The following FNIP1 variants were observed in gnomAD, a reference collection of about 807,000 sequenced individuals.
FNIP1 encodes the protein folliculin-interacting protein 1.
A neutral mutation model predicts 124.5 loss-of-function variants in FNIP1; 40 were observed. The observed-to-expected ratio is 0.32, with a 90% CI of 0.25 to 0.42. The LOEUF (loss-of-function observed/expected upper bound fraction) is 0.42. FNIP1 is among the 10% of genes least tolerant of loss of function. The probability of loss-of-function intolerance (pLI) is 1.00; values close to 1 mark genes in which losing one functional copy is unlikely to be tolerated. For synonymous variants in FNIP1, 472 were observed against 470.6 expected, an observed-to-expected ratio of 1.00 and a Z score of -0.04; for missense variants, 1,176 against 1,403.7, an observed-to-expected ratio of 0.84 and a Z score of 2.59.
intron 15 of FNIP1, among the ~76,000 whole-genome samples, chr5:131,663,131 T>A (rs1235523194): frequency 6.6e-6 from 1 of 152,238 alleles, no homozygotes; most frequent in Non-Finnish European, 1.5e-5. Flanking sequence ...TAGTTAAGGC[T>A]TATTGATTTC....
chr5:131,666,744 T>C (rs547872055), intron 15 of FNIP1, among the ~76,000 whole-genome samples: 1 of 152,312 alleles, frequency 6.6e-6, no homozygotes, highest in South Asian at 2.1e-4. Context: ...TAAATACTAT[T>C]ATTATTATTC....
chr5:131,656,870 T>C (rs981946849), intron 15 of FNIP1, among the ~76,000 whole-genome samples: 1 of 152,006 alleles, frequency 6.6e-6, no homozygotes, highest in Non-Finnish European at 1.5e-5. Context: ...GCAGTCATGA[T>C]TAAGATCAGA....
rs1312819543 is a variant in FNIP1, at chr5:131,796,877, C to G, written c.45G>C (p.Gly15=). ...GGGCGTCGCGGCCGGGCGCGCCCAG[C>G]CCGGTCCTCTTGCTGAAGAGCTTCT... ...LFQKLFSKRT[G]LGAPGRDARD... is the part of the protein sequence containing the mutation. The change falls in exon 1 of 18, where the codon GGG becomes GGC. Residue 15 remains glycine, a synonymous_variant. Coordinates refer to ENST00000510461, the MANE Select transcript of FNIP1 (RefSeq NM_133372.3). 1 of 1,608,690 alleles carries G rather than the reference C, an allele frequency of 6.2e-7. No homozygotes were observed. The highest frequency in any genetic ancestry group is 8.5e-7 in the Non-Finnish European group (1 of 1,178,196).
chr5:131,704,333 CTAA>C (rs1769005364), intron 9 of FNIP1, 67 bp from the exon 10 acceptor site: 1 of 1,318,600 alleles, frequency 7.6e-7, no homozygotes, highest in African/African-American at 1.5e-5. Flanking sequence ...AATCTTCTTG[CTAA>C]TTAAATGTAG....
intron 1 of FNIP1, chr5:131,795,810 T>C (rs1772568468): frequency 6.6e-6 from 1 of 152,168 alleles, no homozygotes; most frequent in Admixed American, 6.5e-5. Flanking sequence ...TTTTTATTTT[T>C]ATTTTATTTT....
At chr5:131,693,337 T>TACAC (rs1768567996) in intron 11 of FNIP1, among the ~76,000 whole-genome samples, 2 of 118,306 alleles carry the variant, frequency 1.7e-5, no homozygotes, top group African/African-American at 6.7e-5. Flanking sequence ...TATATACATA[T>TACAC]ATATATATAT....
intron 17 of FNIP1, among the ~76,000 whole-genome samples, chr5:131,645,199 G>C (rs917833051): frequency 6.6e-6 from 1 of 151,780 alleles, no homozygotes; most frequent in Non-Finnish European, 1.5e-5. Context: ...GTGTGTGCCC[G>C]TGGTACCAGC....
intron 15 of FNIP1, among the ~76,000 whole-genome samples, chr5:131,665,018 A>C (rs31587): frequency 6.6e-6 from 1 of 151,318 alleles, no homozygotes; most frequent in East Asian, 1.9e-4. Context: ...CAAGCATATC[A>C]TTTTATATAT....
chr5:131,654,559 G>A (rs1023632400), intron 15 of FNIP1, among the ~76,000 whole-genome samples: 1 of 152,176 alleles, frequency 6.6e-6, no homozygotes, highest in African/African-American at 2.4e-5. Flanking sequence ...ATAGACTTGT[G>A]AGGGAGATCA....
At chr5:131,796,597 C>A in intron 1 of FNIP1, 1 of 558,388 alleles carries the variant, frequency 1.8e-6, no homozygotes, top group Non-Finnish European at 3.2e-6. Context: ...GTAAACAAAC[C>A]GACGGGAGGA....
chr5:131,726,879 T>C (rs528658025), intron 3 of FNIP1, among the ~76,000 whole-genome samples: 3 of 152,308 alleles, frequency 2.0e-5, no homozygotes, highest in South Asian at 4.1e-4. Context: ...TTCAAACTTA[T>C]TTATTTCTGC....
chr5:131,781,954 T>C (rs1580835293), intron 1 of FNIP1, among the ~76,000 whole-genome samples: 1 of 149,494 alleles, frequency 6.7e-6, no homozygotes, highest in South Asian at 2.1e-4. Context: ...AGGCCAGGAG[T>C]TCAAGCCCAG....
At chr5:131,716,743 C>T in intron 5 of FNIP1, 87 bp from the exon 6 acceptor site, 1 of 732,642 alleles carries the variant, frequency 1.4e-6, no homozygotes, top group Non-Finnish European at 2.2e-6. Context: ...ATTTTAAGTG[C>T]AAAAACAGTT....
intron 10 of FNIP1, 25 bp from the exon 11 acceptor site, chr5:131,699,027 T>G (rs775225628): frequency 1.3e-6 from 2 of 1,581,812 alleles, no homozygotes; most frequent in African/African-American, 2.7e-5. Flanking sequence ...TTGAGATAGT[T>G]AATTCTTATG....
At position 131,677,514 on chromosome 5, in the gene FNIP1, A is replaced by G. The variant is rs191162150; in HGVS notation, c.1519+189T>C. ...TTGCTCTACCTGCAGTTCTTCATCT[A>G]TAAGGAATGATTTCAGGTCTAAGAC... On this transcript the variant is annotated intron_variant, in intron 13 of 17. Coordinates refer to ENST00000510461, the MANE Select transcript of FNIP1 (RefSeq NM_133372.3). 29 of 506,024 alleles carry G rather than the reference A, an allele frequency of 5.7e-5. No individual in the cohort carries two copies. In the East Asian group the frequency reaches 7.9e-4, roughly 14 times the overall value. 31.3% of individuals were successfully genotyped at this position (506,024 alleles called of 1,614,324 possible). A position where few individuals can be genotyped will look rare whatever the true frequency, so the allele number is the denominator to read the frequency against.
At chr5:131,695,142 AATAAATAAAT>A (rs1394686843) in intron 11 of FNIP1, among the ~76,000 whole-genome samples, 11 of 151,596 alleles carry the variant, frequency 7.3e-5, no homozygotes, top group African/African-American at 2.7e-4. Context: ...TAAATAAATA[AATAAATAAAT>A]AAAGCATTAA....
intron 15 of FNIP1, among the ~76,000 whole-genome samples, chr5:131,664,749 T>C (rs1256016206): frequency 6.6e-6 from 1 of 151,272 alleles, no homozygotes; most frequent in Non-Finnish European, 1.5e-5. Flanking sequence ...TATGTTAGTA[T>C]GGGGAAATAT....
chr5:131,645,432 A>G (rs1356899308), intron 17 of FNIP1, among the ~76,000 whole-genome samples: 2 of 152,212 alleles, frequency 1.3e-5, no homozygotes, highest in Non-Finnish European at 2.9e-5. Context: ...CCACAAATTT[A>G]TAGGAAAAGA....
In FNIP1 at chr5:131,670,449, T is replaced by G. The variant is rs951662320; in HGVS notation, c.3108+14A>C. The G allele has an allele frequency of 6.5e-7, 1 of 1,546,798 alleles. No homozygotes were observed. The highest frequency in any genetic ancestry group is 2.3e-5 in the East Asian group (1 of 43,088). ...TTCTTCTAAATAAACTCAAAAACAG[T>G]GAAGGTCACTCACCTGCACAGCATG... On this transcript the variant is annotated intron_variant, in intron 15 of 17. Transcript: ENST00000510461.
Sources: allele counts gnomAD v4.1 joint callset (sites outside exome capture counted in the v4.1 genomes callset), GRCh38; gene constraint gnomAD v4.1.1; transcripts MANE v1.5; gene names NCBI Gene and HGNC (gene_info 2026-07-23, HGNC 2026-07-21).